Variants in CDK5RAP1 observed in about 807,000 individuals in gnomAD.
CDK5RAP1 encodes CDK5RAP1 mitochondrial tRNA methylthiotransferase.
In CDK5RAP1, 62 loss-of-function variants were observed where a neutral mutation model predicts 64.5. That is an observed-to-expected ratio of 0.96 (90% CI 0.78 to 1.19). The LOEUF (loss-of-function observed/expected upper bound fraction) is 1.19. CDK5RAP1 is among the 50% of genes most tolerant of loss of function. The probability of loss-of-function intolerance (pLI) is 0.00; values close to 1 mark genes in which losing one functional copy is unlikely to be tolerated. For missense variants in CDK5RAP1, 657 were observed against 735.0 expected (o/e 0.89, Z 1.23); for synonymous variants, 250 against 261.9 (o/e 0.95, Z 0.44).
At chr20:33,375,413 A>G (rs1315752248) in intron 8 of CDK5RAP1, among the ~76,000 whole-genome samples, 1 of 149,154 alleles carries the variant, frequency 6.7e-6, no homozygotes, top group African/African-American at 2.6e-5. Flanking sequence ...AAAAAAAAAA[A>G]AAAAGAAAAA....
intron 12 of CDK5RAP1, among the ~76,000 whole-genome samples, chr20:33,366,117 G>A (rs1238979316): frequency 6.6e-6 from 1 of 152,072 alleles, no homozygotes; most frequent in African/African-American, 2.4e-5. Context: ...TCAGGAGTTT[G>A]AGACCAGCCT....
At chr20:33,368,935 TC>T in intron 11 of CDK5RAP1, among the ~76,000 whole-genome samples, 1 of 150,614 alleles carries the variant, frequency 6.6e-6, no homozygotes, top group East Asian at 2.0e-4. Context: ...GGTCGAGAGA[TC>T]AAGACCATCC....
chr20:33,372,919 T>C, intron 9 of CDK5RAP1: 2 of 335,120 alleles, frequency 6.0e-6, no homozygotes, highest in Non-Finnish European at 1.1e-5. Context: ...TAAACTTTTT[T>C]TTTTTTTTTT....
At chr20:33,392,031 T>C in intron 5 of CDK5RAP1, 111 bp downstream of exon 5, 1 of 701,600 alleles carries the variant, frequency 1.4e-6, no homozygotes, top group Non-Finnish European at 2.5e-6. Context: ...GCATGGGATA[T>C]ATAAGATTTC....
chr20:33,359,299 T>C (rs1182558253), intron 13 of CDK5RAP1, 176 bp from the exon 14 acceptor site: 5 of 591,422 alleles, frequency 8.5e-6, no homozygotes, highest in Non-Finnish European at 1.5e-5. Flanking sequence ...TCTCATGGAA[T>C]GGCAATGGAT....
intron 13 of CDK5RAP1, chr20:33,359,374 C>T (rs1205720665): frequency 2.2e-6 from 1 of 460,540 alleles, no homozygotes; most frequent in Non-Finnish European, 3.9e-6. Context: ...GAAGATGGCT[C>T]CTCCTCAGCT....
chr20:33,370,750 A>G (rs757152226), intron 10 of CDK5RAP1, 121 bp from the exon 11 acceptor site: 30 of 994,092 alleles, frequency 3.0e-5, no homozygotes, highest in Middle Eastern at 2.5e-4. Flanking sequence ...AGGACTATTC[A>G]TAAGTAAAAC....
chr20:33,380,941 A>G (rs1986679573), intron 7 of CDK5RAP1, among the ~76,000 whole-genome samples: 1 of 152,224 alleles, frequency 6.6e-6, no homozygotes, highest in South Asian at 2.1e-4. Context: ...CAGAGGCTGC[A>G]GTGAGCCGAG....
At chr20:33,386,713 G>A (rs1388952330) in intron 6 of CDK5RAP1, among the ~76,000 whole-genome samples, 2 of 149,160 alleles carry the variant, frequency 1.3e-5, no homozygotes, top group African/African-American at 4.9e-5. Context: ...TTCTTACTAA[G>A]CATTCCAACA....
intron 13 of CDK5RAP1, chr20:33,359,442 G>C: frequency 3.7e-6 from 1 of 271,712 alleles, no homozygotes; most frequent in South Asian, 7.0e-5. Context: ...CTAACTCCAA[G>C]GCTGATCCAG....
intron 1 of CDK5RAP1, among the ~76,000 whole-genome samples, chr20:33,398,071 C>T (rs1404601644): frequency 1.3e-5 from 2 of 152,162 alleles, no homozygotes; most frequent in Non-Finnish European, 2.9e-5. Flanking sequence ...TAGCAAATAA[C>T]ACAACCTTTA....
At position 33,396,825 on chromosome 20, in the gene CDK5RAP1, A is replaced by G. The variant is rs1435997336; in HGVS notation, c.240T>C (p.Ser80=). 6.2e-7 allele frequency: 1 copy of G among 1,614,166 alleles called. No homozygotes were observed. Among genetic ancestry groups the G allele is most frequent in the East Asian group, 2.2e-5 (1 of 44,892 alleles). ...KSASAPQEKL[S]SEVEDPPPYL... The stretch of plus-strand genomic sequence containing the variant: ...AGGGAGGTGGGTCTTCCACTTCTGA[A>G]GACAGCTTCTCCTGAGGAGCTGAGG... Residue 80 remains serine, a synonymous_variant, in exon 2 of 14, where the codon TCT becomes TCC. Transcript: ENST00000346416.
chr20:33,367,026 A>C lies in CDK5RAP1; in HGVS notation c.1393-18T>G. 6.3e-7 allele frequency: 1 copy of C among 1,590,940 alleles called. No individual in the cohort carries two copies. Among genetic ancestry groups the C allele is most frequent in the Non-Finnish European group, 8.5e-7 (1 of 1,171,278 alleles). Reference sequence around the variant, plus strand: ...CGTGTCTTCTATTAAAAAAAAAAAAAAGAGAGAAGATGGAGGTCACCAAGG... The same window carrying C: ...CGTGTCTTCTATTAAAAAAAAAAAACAGAGAGAAGATGGAGGTCACCAAGG... On this transcript the variant is annotated intron_variant, in intron 11 of 13. Transcript: ENST00000346416.
intron 12 of CDK5RAP1, among the ~76,000 whole-genome samples, chr20:33,361,039 C>T (rs1016813658): frequency 1.3e-5 from 2 of 152,182 alleles, no homozygotes; most frequent in Non-Finnish European, 2.9e-5. Flanking sequence ...GAGACAGAAA[C>T]AAGTTTACCC....
At chr20:33,367,383 G>A (rs765099316) in intron 11 of CDK5RAP1, among the ~76,000 whole-genome samples, 3 of 152,204 alleles carry the variant, frequency 2.0e-5, no homozygotes, top group Non-Finnish European at 4.4e-5. Context: ...TAGGCAAGTA[G>A]TCACAGAAAT....
intron 6 of CDK5RAP1, among the ~76,000 whole-genome samples, chr20:33,386,775 TAA>T (rs11481511): frequency 3.6e-5 from 5 of 139,292 alleles, no homozygotes; most frequent in Admixed American, 7.2e-5. Context: ...AACTTTTCTG[TAA>T]AAAAAAAAAA....
In CDK5RAP1 at chr20:33,389,415, C is replaced by G. The variant is rs1352064739; in HGVS notation, c.545-1882G>C. On this transcript the variant is annotated intron_variant, in intron 5 of 13. Transcript: ENST00000346416. ...GCCGCCCCGTCTGAGAAGTGAGGAGCCCCTCCGCCCGGCAGCTGCCCCGAC... is the reference window on the plus strand; with the variant it reads ...GCCGCCCCGTCTGAGAAGTGAGGAGGCCCTCCGCCCGGCAGCTGCCCCGAC... 2.0e-5 allele frequency among the ~76,000 whole-genome samples: 3 copies of G among 151,792 alleles called. No individual in the cohort carries two copies. The East Asian group carries it at 5.9e-4, about 30-fold the overall frequency.
intron 8 of CDK5RAP1, 74 bp downstream of exon 8, chr20:33,379,387 A>G: frequency 9.6e-7 from 1 of 1,044,942 alleles, no homozygotes; most frequent in Non-Finnish European, 1.5e-6. Flanking sequence ...TCTCTGCTGC[A>G]TCCCTACTGG....
intron 8 of CDK5RAP1, among the ~76,000 whole-genome samples, chr20:33,374,952 G>A (rs1426038542): frequency 6.6e-6 from 1 of 151,538 alleles, no homozygotes; most frequent in African/African-American, 2.4e-5. Context: ...ATTGCTTGAG[G>A]CCAAGACTTC....
Sources: allele counts gnomAD v4.1 joint callset (sites outside exome capture counted in the v4.1 genomes callset), GRCh38; gene constraint gnomAD v4.1.1; transcripts MANE v1.5; gene names NCBI Gene and HGNC (gene_info 2026-07-23, HGNC 2026-07-21).